AXIN1: variants seen among roughly 807,000 people sequenced by gnomAD.
The protein encoded by AXIN1 is axin 1.
A neutral mutation model predicts 76.4 loss-of-function variants in AXIN1; 30 were observed. The ratio of observed to expected loss-of-function variants is 0.39; its 90% CI spans 0.29 to 0.53. The LOEUF is 0.53. Among genes scored for constraint, AXIN1 ranks in the 20% least tolerant of loss-of-function variants. The pLI is 0.66. For synonymous variants in AXIN1, 545 were observed against 501.4 expected, an observed-to-expected ratio of 1.09 and a Z score of -1.16; for missense variants, 1,140 against 1,198.8, an observed-to-expected ratio of 0.95 and a Z score of 0.72.
rs140433981 is a variant in AXIN1 at position 343,072 on chromosome 16, G to C, written c.878+3076C>G. Among the ~76,000 whole-genome samples, 463 of 152,228 alleles carry C rather than the reference G, an allele frequency of 3.0e-3. 1 individual carries two copies. Among genetic ancestry groups the C allele is most frequent in the African/African-American group, 0.01 (436 of 41,528 alleles). ...CTTCAAGCCACAAGGCTGCACCACA[G>C]GCCACCTCCCACAGAGAGGATTCAA... On this transcript the variant is annotated intron_variant, in intron 2 of 10. Coordinates refer to ENST00000262320, the MANE Select transcript of AXIN1 (RefSeq NM_003502.4).
intron 6 of AXIN1, 125 bp downstream of exon 6, chr16:297,597 G>A (rs984553289): frequency 1.4e-5 from 19 of 1,347,094 alleles, no homozygotes; most frequent in Non-Finnish European, 1.9e-5. Flanking sequence ...ACTCCCTCCA[G>A]CAGAGGGGCC....
At chr16:294,982 T>C (rs978878773) in intron 7 of AXIN1, among the ~76,000 whole-genome samples, 2 of 144,936 alleles carry the variant, frequency 1.4e-5, no homozygotes, top group Non-Finnish European at 3.0e-5. Flanking sequence ...GAGAATGGCA[T>C]GAACCCGGGA....
At position 346,802 on chromosome 16, in the gene AXIN1, C is replaced by T. The variant is rs1481193650; in HGVS notation, c.224G>A (p.Ser75Asn). 1.9e-6 allele frequency: 3 copies of T among 1,612,698 alleles called. No individual in the cohort carries two copies. The highest frequency in any genetic ancestry group is 3.3e-5 in the Admixed American group (2 of 59,990). ...CAAGTATGGTGGGGTGGGGGAGGCA[C>T]TGCCCTCAGGCTCATACCCCAGGTC... The part of the protein sequence containing the change: ...DLDLGYEPEG[S>N]ASPTPPYLKW... Residue 75 changes from serine (S) to asparagine (N), a missense_variant, in exon 2 of 11, where the codon AGT (serine) becomes AAT (asparagine). Around this residue, in one of 3 missense-constraint regions of AXIN1, gnomAD observed 708 missense variants for 776.9 expected, o/e 0.91. Coordinates refer to ENST00000262320, the MANE Select transcript of AXIN1 (RefSeq NM_003502.4).
chr16:311,342 T>C (rs1287045876), intron 3 of AXIN1, among the ~76,000 whole-genome samples: 2 of 152,130 alleles, frequency 1.3e-5, no homozygotes, highest in African/African-American at 4.8e-5. Flanking sequence ...CAACAGGTTT[T>C]CTTTATGAAC....
rs543030644 is a variant in AXIN1 at position 324,904 on chromosome 16, C to G, written c.879-10221G>C. Among the ~76,000 whole-genome samples the G allele has an allele frequency of 3.3e-5, 5 of 152,336 alleles. No individual in the cohort carries two copies. The East Asian group carries it at 5.8e-4, about 18-fold the overall frequency. On this transcript the variant is annotated intron_variant, in intron 2 of 10. Coordinates refer to ENST00000262320, the MANE Select transcript of AXIN1 (RefSeq NM_003502.4). Reference sequence around the variant, plus strand: ...AAGCCTTCAGGGAGGCAGCAGCGCCCGGTGCACAGTTCCTAAGGGCGCAGA... The same window carrying G: ...AAGCCTTCAGGGAGGCAGCAGCGCCGGGTGCACAGTTCCTAAGGGCGCAGA...
rs568232110 is a variant in AXIN1 at position 348,362 on chromosome 16, C to T, written c.-81-1256G>A. On this transcript the variant is annotated intron_variant, in intron 1 of 10. Coordinates refer to ENST00000262320, the MANE Select transcript of AXIN1 (RefSeq NM_003502.4). ...ACAGCAAACAAATAAAACCCTAAAA[C>T]CCAGGACCAACTGAAGGGGGATCTA... Among the ~76,000 whole-genome samples the T allele has an allele frequency of 1.2e-4, 19 of 152,326 alleles. No homozygotes were observed. In the South Asian group the frequency reaches 3.7e-3, roughly 30 times the overall value.
At chr16:332,507 T>C (rs1597093742) in intron 2 of AXIN1, among the ~76,000 whole-genome samples, 2 of 146,298 alleles carry the variant, frequency 1.4e-5, no homozygotes, top group Admixed American at 6.9e-5. Context: ...ACCCGGGAGG[T>C]GGAGGTTGCA....
chr16:304,053 G>A (rs913475585), intron 5 of AXIN1, among the ~76,000 whole-genome samples: 4 of 152,158 alleles, frequency 2.6e-5, no homozygotes, highest in Non-Finnish European at 5.9e-5. Flanking sequence ...TGTCACCCCC[G>A]GCCCCTTCAA....
Position 297,993 on chromosome 16 carries a change from C to G in AXIN1, c.1513G>C (p.Ala505Pro), listed in dbSNP as rs1249674216. The G allele has an allele frequency of 1.2e-6, 2 of 1,601,100 alleles. No individual in the cohort carries two copies. The highest frequency in any genetic ancestry group is 2.7e-5 in the African/African-American group (2 of 75,010). ...TGCCCCGAGGCGGCACCCCCCAGTG[C>G]CACTGGCATCTTGGCCACGTGCCCA... The part of the protein sequence containing the change: ...DSGHVAKMPV[A>P]LGGAASGHGK... The change falls in exon 6 of 11, where the codon GCA becomes CCA. Residue 505 changes from alanine (A) to proline (P), a missense_variant. By Grantham distance (27) the Ala-to-Pro change is conservative. Coordinates refer to ENST00000262320, the MANE Select transcript of AXIN1 (RefSeq NM_003502.4).
chr16:309,296 A>C lies in AXIN1; in HGVS notation c.1116+677T>G, dbSNP rs530884074. 1.7e-4 allele frequency among the ~76,000 whole-genome samples: 25 copies of C among 149,936 alleles called. No individual in the cohort carries two copies. The East Asian group carries it at 4.5e-3, about 27-fold the overall frequency. On this transcript the variant is annotated intron_variant, in intron 4 of 10. Coordinates refer to ENST00000262320, the MANE Select transcript of AXIN1 (RefSeq NM_003502.4). ...AGTGACAGCAAAACTCCTATCTCAAAAAAAAAAAAAGAAAACACTTTTCTC... is the reference window on the plus strand; with the variant it reads ...AGTGACAGCAAAACTCCTATCTCAACAAAAAAAAAAGAAAACACTTTTCTC...
At chr16:339,109 G>A (rs2053862603) in intron 2 of AXIN1, among the ~76,000 whole-genome samples, 2 of 150,520 alleles carry the variant, frequency 1.3e-5, no homozygotes, top group East Asian at 2.0e-4. Context: ...AGGGTGTGGT[G>A]GTTCACACCT....
At chr16:318,228 C>G (rs978116773) in intron 2 of AXIN1, among the ~76,000 whole-genome samples, 5 of 152,246 alleles carry the variant, frequency 3.3e-5, no homozygotes, top group Non-Finnish European at 7.3e-5. Context: ...ACTCTGACTT[C>G]CCAGGTGTGC....
At chr16:318,852 C>A (rs2053368050) in intron 2 of AXIN1, among the ~76,000 whole-genome samples, 1 of 152,026 alleles carries the variant, frequency 6.6e-6, no homozygotes, top group Non-Finnish European at 1.5e-5. Context: ...GCGGCTGGGG[C>A]CTTGGTGAGA....
At chr16:326,367 AAAAAAATAT>A (rs1259384188) in intron 2 of AXIN1, among the ~76,000 whole-genome samples, 2 of 101,524 alleles carry the variant, frequency 2.0e-5, no homozygotes, top group African/African-American at 1.1e-4. Context: ...AAAAAAAAAA[AAAAAAATAT>A]ATATATATAT....
rs1374728838 is a variant in AXIN1, at chr16:314,581, G to A, written c.981C>T (p.Ser327=). ...SANDSEQQSL[S]SDADTLSLTD... ...TGAGGGACAGGGTGTCTGCATCGCT[G>A]GACAGGCTCTGCTGCTCGCTGTCGT... The change falls in exon 3 of 11, where the codon TCC becomes TCT. Residue 327 remains serine (S), a synonymous_variant. Transcript: ENST00000262320. The A allele has an allele frequency of 1.2e-6, 2 of 1,613,946 alleles. No homozygotes were observed. The highest frequency in any genetic ancestry group is 2.2e-5 in the East Asian group (1 of 44,874).
At position 297,862 on chromosome 16, in the gene AXIN1, C is replaced by T. The variant is rs2141510568; in HGVS notation, c.1644G>A (p.Glu548=). The change falls in exon 6 of 11, where the codon GAG becomes GAA. Residue 548 remains glutamate (E), a synonymous_variant. Transcript: ENST00000262320. The stretch of plus-strand genomic sequence containing the variant: ...TGCGGGTGGCCTCGGCCTCCACCTG[C>T]TCCTTGGGCCGGGCTGTGCTGTGGT... ...HVHHSTARPK[E]QVEAEATRRA... The T allele has an allele frequency of 1.3e-6, 2 of 1,582,512 alleles. No individual in the cohort carries two copies. The highest frequency in any genetic ancestry group is 1.7e-6 in the Non-Finnish European group (2 of 1,163,102).
intron 2 of AXIN1, among the ~76,000 whole-genome samples, chr16:339,243 C>G (rs1567302279): frequency 6.7e-6 from 1 of 149,276 alleles, no homozygotes. Context: ...GTGGCTCACA[C>G]CTGTAATCCC....
chr16:297,328 G>A, intron 6 of AXIN1, 102 bp from the exon 7 acceptor site: 1 of 1,495,844 alleles, frequency 6.7e-7, no homozygotes, highest in Non-Finnish European at 9.1e-7. Context: ...AGGCTCCCGT[G>A]GTGCAGCCGC....
chr16:304,203 G>C (rs79823478), intron 5 of AXIN1, 101 bp downstream of exon 5: 66,302 of 1,585,164 alleles, frequency 0.042, 1,612 homozygotes, highest in Middle Eastern at 0.09. Flanking sequence ...AGCAGGCCTC[G>C]GCCAGCCCCG....
Sources: allele counts gnomAD v4.1 joint callset (sites outside exome capture counted in the v4.1 genomes callset), GRCh38; gene constraint gnomAD v4.1.1; regional missense constraint gnomAD v4.1.1; transcripts MANE v1.5; gene names NCBI Gene and HGNC (gene_info 2026-07-23, HGNC 2026-07-21).